GLRA1: variants seen among roughly 807,000 people sequenced by gnomAD.
The protein encoded by GLRA1 is glycine receptor subunit alpha-1.
In GLRA1, 37 loss-of-function variants were observed where a neutral mutation model predicts 48.3. That is an observed-to-expected ratio of 0.77 (90% confidence interval 0.59 to 1.01). GLRA1 has a LOEUF of 1.01. Ranked by LOEUF, GLRA1 falls within the 50% of genes least tolerant of loss-of-function variation. The pLI is 0.00. For synonymous variants in GLRA1, 196 were observed against 210.7 expected (o/e 0.93, Z 0.60); for missense variants, 427 against 571.0 (o/e 0.75, Z 2.57).
chr5:151,903,152 T>A (rs1343866270), intron 1 of GLRA1, among the ~76,000 whole-genome samples: 1 of 151,714 alleles, frequency 6.6e-6, no homozygotes, highest in Non-Finnish European at 1.5e-5. Flanking sequence ...GAAAACAGAG[T>A]TTTCATAGGA....
intron 8 of GLRA1, among the ~76,000 whole-genome samples, chr5:151,824,718 G>T (rs1345397561): frequency 6.6e-6 from 1 of 151,942 alleles, no homozygotes; most frequent in African/African-American, 2.4e-5. Flanking sequence ...TGCTCCATAA[G>T]CTCTCTGTAT....
intron 2 of GLRA1, among the ~76,000 whole-genome samples, chr5:151,891,984 G>T (rs1235237226): frequency 6.6e-6 from 1 of 152,180 alleles, no homozygotes; most frequent in Non-Finnish European, 1.5e-5. Flanking sequence ...AGCTCAGAGA[G>T]TAAGTTTGTG....
chr5:151,827,029 G>GTTTTGTT, intron 8 of GLRA1, among the ~76,000 whole-genome samples: 1 of 126,788 alleles, frequency 7.9e-6, no homozygotes, highest in South Asian at 2.6e-4. Context: ...CTTTCTTTCT[G>GTTTTGTT]TTTTTTTTTT....
intron 8 of GLRA1, among the ~76,000 whole-genome samples, chr5:151,825,922 G>A (rs1020140563): frequency 6.6e-6 from 1 of 152,146 alleles, no homozygotes; most frequent in African/African-American, 2.4e-5. Context: ...TACACCTCTA[G>A]GGTACAAATC....
intron 7 of GLRA1, chr5:151,850,865 A>G (rs926192579): frequency 4.0e-5 from 26 of 642,252 alleles, no homozygotes; most frequent in Admixed American, 7.4e-5. Context: ...CCCTCTCCCA[A>G]TTGTCCCAAT....
intron 4 of GLRA1, among the ~76,000 whole-genome samples, chr5:151,856,960 C>T (rs1402257990): frequency 4.6e-5 from 7 of 152,238 alleles, no homozygotes; most frequent in Non-Finnish European, 1.0e-4. Context: ...TGGTGGGAAG[C>T]AGAGTGCAGT....
chr5:151,866,231 G>T (rs1753331432), intron 3 of GLRA1, among the ~76,000 whole-genome samples: 1 of 152,146 alleles, frequency 6.6e-6, no homozygotes, highest in South Asian at 2.1e-4. Context: ...CTAATTTCTG[G>T]TAACTGGGCA....
chr5:151,881,662 T>C (rs1581640980), intron 3 of GLRA1, among the ~76,000 whole-genome samples: 1 of 152,118 alleles, frequency 6.6e-6, no homozygotes, highest in African/African-American at 2.4e-5. Flanking sequence ...GTTTCAACTT[T>C]TACCTTCCTC....
chr5:151,880,126 T>C (rs1438274615), intron 3 of GLRA1, among the ~76,000 whole-genome samples: 1 of 152,224 alleles, frequency 6.6e-6, no homozygotes, highest in Non-Finnish European at 1.5e-5. Flanking sequence ...CATTTAAACC[T>C]TTTCTTTTGT....
chr5:151,886,205 T>A (rs1459599046), intron 3 of GLRA1, among the ~76,000 whole-genome samples: 1 of 152,238 alleles, frequency 6.6e-6, no homozygotes, highest in Admixed American at 6.5e-5. Flanking sequence ...TATTCATAAC[T>A]TTTTAATTCA....
chr5:151,892,274 C>A (rs369566781), intron 2 of GLRA1, 37 bp downstream of exon 2: 1 of 1,602,348 alleles, frequency 6.2e-7, no homozygotes, highest in African/African-American at 1.3e-5. Flanking sequence ...TCTGGGAAAG[C>A]ATTTCCCTGT....
chr5:151,914,797 A>C (rs1300445691), intron 1 of GLRA1, among the ~76,000 whole-genome samples: 1 of 152,180 alleles, frequency 6.6e-6, no homozygotes, highest in Non-Finnish European at 1.5e-5. Context: ...TCAAGGATAG[A>C]GATTGAGAGC....
intron 7 of GLRA1, chr5:151,850,600 C>A: frequency 6.8e-7 from 1 of 1,472,704 alleles, no homozygotes; most frequent in Non-Finnish European, 9.5e-7. Flanking sequence ...CCTCCAACAT[C>A]AACGACTTTT....
intron 4 of GLRA1, among the ~76,000 whole-genome samples, chr5:151,856,655 A>G (rs1006993425): frequency 6.6e-6 from 1 of 152,022 alleles, no homozygotes; most frequent in South Asian, 2.1e-4. Flanking sequence ...AGTAGATGTG[A>G]CCATAGGCAT....
At chr5:151,850,112 C>T (rs972530978) in intron 7 of GLRA1, 1 of 1,604,266 alleles carries the variant, frequency 6.2e-7, no homozygotes, top group Non-Finnish European at 8.5e-7. Context: ...ATGGGTACCA[C>T]TTTGGTTGGC....
intron 2 of GLRA1, among the ~76,000 whole-genome samples, chr5:151,892,097 G>A (rs145611072): frequency 7.2e-5 from 11 of 152,250 alleles, no homozygotes; most frequent in Middle Eastern, 3.4e-3. Flanking sequence ...TGGACTCCTG[G>A]AAACCAGAGG....
chr5:151,827,082 A>G (rs2113285887), intron 8 of GLRA1, among the ~76,000 whole-genome samples: 1 of 137,048 alleles, frequency 7.3e-6, no homozygotes, highest in South Asian at 2.4e-4. Flanking sequence ...ATTGGTCTGG[A>G]ACTCCTGGGC....
In GLRA1 at chr5:151,865,700, A is replaced by G. The variant is rs146142025; in HGVS notation, c.253-5692T>C. Among the ~76,000 whole-genome samples the G allele has an allele frequency of 9.9e-3, 1,510 of 152,286 alleles. 29 individuals are homozygous for G. Among genetic ancestry groups the G allele is most frequent in the African/African-American group, 0.035 (1,435 of 41,540 alleles). On this transcript the variant is annotated intron_variant, in intron 3 of 8. Coordinates refer to ENST00000274576, the MANE Select transcript of GLRA1 (RefSeq NM_000171.4). ...GACGTACATCATCTAAAAGAAGAAAAACAAAATAAAATCCATCTCTTTGTA... is the reference window on the plus strand; with the variant it reads ...GACGTACATCATCTAAAAGAAGAAAGACAAAATAAAATCCATCTCTTTGTA...
chr5:151,861,876 A>G (rs1022319134), intron 3 of GLRA1, among the ~76,000 whole-genome samples: 8 of 152,228 alleles, frequency 5.3e-5, no homozygotes, highest in Non-Finnish European at 8.8e-5. Flanking sequence ...TATAGATTCA[A>G]TGCCATTCCC....
Sources: gnomAD v4.1 joint callset for allele counts (sites outside exome capture counted in the v4.1 genomes callset) on GRCh38, gnomAD v4.1.1 for gene constraint, MANE v1.5 for transcripts, NCBI Gene and HGNC (gene_info 2026-07-23, HGNC 2026-07-21) for gene names.